RBFOX1: variants seen among roughly 807,000 people sequenced by gnomAD.
The protein encoded by RBFOX1 is RNA binding fox-1 homolog 1, also known as RNA binding protein fox-1 homolog 1.
A neutral mutation model predicts 57.7 loss-of-function variants in RBFOX1; 8 were observed. The observed-to-expected ratio is 0.14, with a 90% confidence interval of 0.08 to 0.25. The LOEUF is 0.25. Among genes scored for constraint, RBFOX1 ranks in the 10% least tolerant of loss-of-function variants. The pLI is 1.00. For missense variants in RBFOX1, 611 were observed against 548.5 expected (o/e 1.11, Z -1.14); for synonymous variants, 326 against 222.4 (o/e 1.47, Z -4.15).
At chr16:5,949,583 C>T (rs1027830819) in intron 4 of RBFOX1, among the ~76,000 whole-genome samples, 1 of 149,148 alleles carries the variant, frequency 6.7e-6, no homozygotes, top group Non-Finnish European at 1.5e-5. Context: ...TAATACATTG[C>T]ATTTGGTTAC....
intron 3 of RBFOX1, among the ~76,000 whole-genome samples, chr16:6,857,041 G>A (rs185321422): frequency 4.4e-4 from 67 of 152,252 alleles, no homozygotes; most frequent in African/African-American, 1.5e-3. Flanking sequence ...TGCAAATCGT[G>A]TTCAACCCCA....
In RBFOX1 at chr16:7,290,283, T is replaced by C. The variant is rs566414620; in HGVS notation, c.28-227864T>C. 3.1e-4 allele frequency among the ~76,000 whole-genome samples: 47 copies of C among 152,232 alleles called. 1 individual carries two copies. The highest frequency in any genetic ancestry group is 5.9e-5 in the Non-Finnish European group (4 of 68,042). On this transcript the variant is annotated intron_variant, in intron 4 of 15. Coordinates refer to ENST00000550418, the MANE Select transcript of RBFOX1 (RefSeq NM_018723.4). ...AAATTGGGAGTATGGATAGATAATA[T>C]TGTTTTCAATTAGGCTTATAATCCA...
intron 3 of RBFOX1, among the ~76,000 whole-genome samples, chr16:5,778,732 G>T (rs1240788028): frequency 6.6e-6 from 1 of 152,072 alleles, no homozygotes; most frequent in Non-Finnish European, 1.5e-5. Context: ...GGGTGAATAG[G>T]AGGTGACCAG....
chr16:7,549,424 C>T (rs753564082), intron 5 of RBFOX1, among the ~76,000 whole-genome samples: 28 of 152,118 alleles, frequency 1.8e-4, no homozygotes, highest in African/African-American at 6.3e-4. Context: ...ACCTGTATTA[C>T]GGTTCTCTAA....
At chr16:6,021,554 T>A (rs999658549) in intron 1 of RBFOX1, among the ~76,000 whole-genome samples, 1 of 152,214 alleles carries the variant, frequency 6.6e-6, no homozygotes, top group Non-Finnish European at 1.5e-5. Context: ...ACCTGTGTCC[T>A]CTTTGAGCTC....
At chr16:7,296,223 T>C (rs1253171469) in intron 4 of RBFOX1, among the ~76,000 whole-genome samples, 1 of 151,930 alleles carries the variant, frequency 6.6e-6, no homozygotes, top group Non-Finnish European at 1.5e-5. Flanking sequence ...TTTAATCAAT[T>C]TGAAGGACTG....
At chr16:7,567,650 C>T in intron 5 of RBFOX1, among the ~76,000 whole-genome samples, 2 of 62,264 alleles carry the variant, frequency 3.2e-5, no homozygotes, top group Non-Finnish European at 3.3e-5. Context: ...TATATATGGC[C>T]CTATATATAT....
intron 2 of RBFOX1, among the ~76,000 whole-genome samples, chr16:6,448,582 G>T (rs967868765): frequency 6.6e-6 from 1 of 152,128 alleles, no homozygotes; most frequent in Non-Finnish European, 1.5e-5. Flanking sequence ...ATAGCACCCT[G>T]TGCAGTTGTG....
intron 1 of RBFOX1, among the ~76,000 whole-genome samples, chr16:5,357,931 T>A (rs1296733252): frequency 6.6e-6 from 1 of 152,226 alleles, no homozygotes; most frequent in African/African-American, 2.4e-5. Context: ...TAATAGTGAG[T>A]TTGGAATACA....
At chr16:7,423,894 G>A (rs11640126) in intron 4 of RBFOX1, among the ~76,000 whole-genome samples, 1 of 152,122 alleles carries the variant, frequency 6.6e-6, no homozygotes, top group Non-Finnish European at 1.5e-5. Flanking sequence ...TTACCAGCCT[G>A]TCCATATGTC....
chr16:5,977,775 C>G (rs369477357), intron 4 of RBFOX1, among the ~76,000 whole-genome samples: 12 of 152,208 alleles, frequency 7.9e-5, no homozygotes, highest in Admixed American at 1.3e-4. Flanking sequence ...AGCCCACTGT[C>G]CCGATCTGTA....
At chr16:6,279,974 CA>C (rs1035222028) in intron 1 of RBFOX1, among the ~76,000 whole-genome samples, 9 of 151,336 alleles carry the variant, frequency 5.9e-5, no homozygotes, top group African/African-American at 2.2e-4. Flanking sequence ...GAAGGTGTTG[CA>C]AATAGGAGCG....
At chr16:5,582,530 ATTTTCAAAGCACGTCACTTTTTT>A (rs1227011885) in intron 2 of RBFOX1, among the ~76,000 whole-genome samples, 1 of 145,736 alleles carries the variant, frequency 6.9e-6, no homozygotes, top group East Asian at 2.0e-4. Context: ...GAACCCAGGC[ATTTTCAAAGCACGTCACTTTTTT>A]TTTTTTTTTT....
At chr16:5,996,297 C>T (rs537605369) in intron 4 of RBFOX1, among the ~76,000 whole-genome samples, 27 of 152,226 alleles carry the variant, frequency 1.8e-4, no homozygotes, top group Admixed American at 3.9e-4. Context: ...TTTCACCAGA[C>T]GATGTAGACT....
At chr16:7,121,363 C>T (rs1395677578) in intron 4 of RBFOX1, among the ~76,000 whole-genome samples, 1 of 151,956 alleles carries the variant, frequency 6.6e-6, no homozygotes, top group East Asian at 1.9e-4. Flanking sequence ...TTTATAAAAT[C>T]CCAAGGAACT....
intron 3 of RBFOX1, among the ~76,000 whole-genome samples, chr16:6,791,250 A>T (rs1236218492): frequency 2.0e-5 from 3 of 152,174 alleles, no homozygotes; most frequent in Non-Finnish European, 4.4e-5. Context: ...ATGCTAGGAG[A>T]TTCCAGCTGC....
At chr16:5,251,178 G>C (rs1225162886) in intron 1 of RBFOX1, among the ~76,000 whole-genome samples, 2 of 152,216 alleles carry the variant, frequency 1.3e-5, no homozygotes, top group Non-Finnish European at 2.9e-5. Flanking sequence ...CTGGCAGACT[G>C]CCTCACTCTG....
At chr16:5,817,698 TA>T (rs1172488877) in intron 3 of RBFOX1, among the ~76,000 whole-genome samples, 52 of 122,768 alleles carry the variant, frequency 4.2e-4, no homozygotes, top group Middle Eastern at 4.1e-3. Flanking sequence ...TTGTGGGCTG[TA>T]TTTTTTTTTT....
intron 2 of RBFOX1, among the ~76,000 whole-genome samples, chr16:6,428,558 T>A (rs1332914921): frequency 6.6e-6 from 1 of 152,148 alleles, no homozygotes; most frequent in African/African-American, 2.4e-5. Context: ...GTAATTCTGT[T>A]ACTTTATAGG....
Sources: allele counts gnomAD v4.1 joint callset (sites outside exome capture counted in the v4.1 genomes callset), GRCh38; gene constraint gnomAD v4.1.1; transcripts MANE v1.5; gene names NCBI Gene and HGNC (gene_info 2026-07-23, HGNC 2026-07-21).